SHLD2: variants seen among roughly 807,000 people sequenced by gnomAD.
The protein encoded by SHLD2 is RINN1-REV7-interacting novel NHEJ regulator 2.
SHLD2 carries 30 observed loss-of-function variants against 73.2 expected under a neutral mutation model. That is an observed-to-expected ratio of 0.41 (90% confidence interval 0.31 to 0.56). The LOEUF (loss-of-function observed/expected upper bound fraction) is 0.56. Among genes scored for constraint, SHLD2 ranks in the 20% least tolerant of loss-of-function variants. The probability of loss-of-function intolerance (pLI) is 0.28; values close to 1 mark genes in which losing one functional copy is unlikely to be tolerated. For missense variants in SHLD2, 745 were observed against 1,055.9 expected, an observed-to-expected ratio of 0.71 and a Z score of 4.08; for synonymous variants, 285 against 370.1, an observed-to-expected ratio of 0.77 and a Z score of 2.64.
intron 4 of SHLD2, among the ~76,000 whole-genome samples, chr10:87,164,285 C>T (rs1056962229): frequency 6.6e-5 from 10 of 150,696 alleles, no homozygotes; most frequent in Non-Finnish European, 1.5e-4. Flanking sequence ...CAGGGTCTGG[C>T]TCTGTTGCCC....
At chr10:87,175,798 A>G (rs1028347397) in intron 6 of SHLD2, 91 bp from the exon 7 acceptor site, 21 of 1,282,472 alleles carry the variant, frequency 1.6e-5, no homozygotes, top group African/African-American at 1.2e-4. Flanking sequence ...ATTAGATTCA[A>G]CTGACTTAAT....
At chr10:87,135,195 T>C (rs1844716468) in intron 2 of SHLD2, among the ~76,000 whole-genome samples, 1 of 151,938 alleles carries the variant, frequency 6.6e-6, no homozygotes, top group African/African-American at 2.4e-5. Context: ...TAGTATGGTA[T>C]ATTTGTTATA....
At chr10:87,120,228 G>GTATT (rs10623819) in intron 2 of SHLD2, among the ~76,000 whole-genome samples, 43,610 of 145,228 alleles carry the variant, frequency 0.3, 6,721 homozygotes, top group Middle Eastern at 0.4. Context: ...AAGTGTTGAG[G>GTATT]TATTTATTTA....
At chr10:87,139,294 A>G (rs1315663913) in intron 2 of SHLD2, among the ~76,000 whole-genome samples, 4 of 152,186 alleles carry the variant, frequency 2.6e-5, no homozygotes, top group Non-Finnish European at 5.9e-5. Flanking sequence ...GACCAGGCTG[A>G]TTCTAAGTAA....
chr10:87,123,270 T>C (rs1400023509), intron 2 of SHLD2, among the ~76,000 whole-genome samples: 1 of 152,148 alleles, frequency 6.6e-6, no homozygotes, highest in African/African-American at 2.4e-5. Context: ...GAGATGTCAA[T>C]GTCTACTTTC....
intron 6 of SHLD2, among the ~76,000 whole-genome samples, chr10:87,174,585 A>T (rs1589646038): frequency 1.3e-5 from 2 of 149,898 alleles, no homozygotes; most frequent in African/African-American, 4.9e-5. Flanking sequence ...AAAAAAAAAA[A>T]TCTCTAGTGA....
At chr10:87,160,057 C>T (rs1358460408) in intron 4 of SHLD2, among the ~76,000 whole-genome samples, 1 of 151,834 alleles carries the variant, frequency 6.6e-6, no homozygotes, top group Admixed American at 6.6e-5. Context: ...CATAAAGTCC[C>T]ATGAACTCTT....
chr10:87,117,760 G>T (rs918758940), intron 2 of SHLD2, among the ~76,000 whole-genome samples: 1 of 152,066 alleles, frequency 6.6e-6, no homozygotes, highest in African/African-American at 2.4e-5. Flanking sequence ...GTGCCACTGC[G>T]CTCCAACCTG....
At chr10:87,182,748 C>T (rs765672135) in intron 8 of SHLD2, among the ~76,000 whole-genome samples, 7 of 152,008 alleles carry the variant, frequency 4.6e-5, no homozygotes, top group Admixed American at 4.6e-4. Flanking sequence ...AAGGTGTAGG[C>T]TGGGGCTGCA....
intron 2 of SHLD2, among the ~76,000 whole-genome samples, chr10:87,139,300 A>G (rs936793413): frequency 5.3e-5 from 8 of 152,182 alleles, no homozygotes; most frequent in Non-Finnish European, 1.0e-4. Context: ...GCTGATTCTA[A>G]GTAACTCAAT....
At chr10:87,147,304 T>A (rs1222270783) in intron 2 of SHLD2, among the ~76,000 whole-genome samples, 2 of 151,688 alleles carry the variant, frequency 1.3e-5, no homozygotes, top group East Asian at 1.9e-4. Context: ...ATGAATGGGA[T>A]TGGATGAAAT....
chr10:87,114,348 A>G (rs1483126391), intron 2 of SHLD2: 1 of 152,226 alleles, frequency 6.6e-6, no homozygotes, highest in Non-Finnish European at 1.5e-5. Flanking sequence ...AAGCGATTTT[A>G]TATTATATTT....
At chr10:87,179,453 G>A (rs1196022725) in intron 7 of SHLD2, among the ~76,000 whole-genome samples, 4 of 151,438 alleles carry the variant, frequency 2.6e-5, no homozygotes, top group African/African-American at 9.7e-5. Flanking sequence ...CCAGGCCGGA[G>A]TGCAGTGGTG....
At chr10:87,136,462 G>A (rs1179997547) in intron 2 of SHLD2, among the ~76,000 whole-genome samples, 2 of 150,708 alleles carry the variant, frequency 1.3e-5, no homozygotes, top group Non-Finnish European at 2.9e-5. Flanking sequence ...GGTGCTAGGT[G>A]CACATGTTGC....
At chr10:87,171,618 T>C (rs1470982011) in intron 6 of SHLD2, among the ~76,000 whole-genome samples, 6 of 152,216 alleles carry the variant, frequency 3.9e-5, no homozygotes, top group African/African-American at 1.4e-4. Flanking sequence ...ACAGTTTCAT[T>C]TGTGGCTTAT....
intron 2 of SHLD2, among the ~76,000 whole-genome samples, chr10:87,134,396 G>A (rs1481050081): frequency 6.6e-6 from 1 of 152,166 alleles, no homozygotes; most frequent in Non-Finnish European, 1.5e-5. Flanking sequence ...CCATAGATGA[G>A]GGGAAAGGAG....
chr10:87,172,232 T>C lies in SHLD2; in HGVS notation c.1963+1258T>C, dbSNP rs563736069. On this transcript the variant is annotated intron_variant, in intron 6 of 9. Transcript: ENST00000298786. Reference sequence around the variant, plus strand: ...ATACCTCACATCAGTCTTTTTAAGATAAAAATCCCAATTTTGAAGGATTAC... The same window carrying C: ...ATACCTCACATCAGTCTTTTTAAGACAAAAATCCCAATTTTGAAGGATTAC... Among the ~76,000 whole-genome samples, 3 of 152,336 alleles carry C rather than the reference T, an allele frequency of 2.0e-5. No individual in the cohort carries two copies. The South Asian group carries it at 6.2e-4, about 32-fold the overall frequency.
intron 6 of SHLD2, among the ~76,000 whole-genome samples, chr10:87,173,658 A>G (rs1424122518): frequency 1.3e-5 from 2 of 152,070 alleles, no homozygotes; most frequent in African/African-American, 4.8e-5. Flanking sequence ...ATTATTTGTA[A>G]TGCAAAGGTT....
Position 87,183,740 on chromosome 10 carries a change from T to C in SHLD2, c.2400-3345T>C, listed in dbSNP as rs1266830368. 2.0e-5 allele frequency among the ~76,000 whole-genome samples: 3 copies of C among 152,240 alleles called. No homozygotes were observed. The East Asian group carries it at 5.8e-4, about 29-fold the overall frequency. ...TTGATGTTGCCTGAGGCATGGATACTTCTTTCCTCACTCTAACTGCTCTCA... is the reference window on the plus strand; with the variant it reads ...TTGATGTTGCCTGAGGCATGGATACCTCTTTCCTCACTCTAACTGCTCTCA... On this transcript the variant is annotated intron_variant, in intron 8 of 9. Coordinates refer to ENST00000298786, the MANE Select transcript of SHLD2 (RefSeq NM_001330112.2).
Sources: allele counts gnomAD v4.1 joint callset (sites outside exome capture counted in the v4.1 genomes callset), GRCh38; gene constraint gnomAD v4.1.1; transcripts MANE v1.5; gene names NCBI Gene and HGNC (gene_info 2026-07-23, HGNC 2026-07-21).